Variants in CCNB3 observed in about 807,000 individuals in gnomAD.
CCNB3 encodes the protein cyclin B3.
CCNB3 carries 12 observed loss-of-function variants against 68.0 expected under a neutral mutation model. The ratio of observed to expected loss-of-function variants is 0.18; its 90% CI spans 0.11 to 0.29. The LOEUF (loss-of-function observed/expected upper bound fraction) is 0.29. Ranked by LOEUF, CCNB3 falls within the 10% of genes least tolerant of loss-of-function variation. The pLI, the probability that CCNB3 is intolerant of heterozygous loss-of-function variation, is 1.00. For synonymous variants in CCNB3, 354 were observed against 388.9 expected (o/e 0.91, Z 1.06); for missense variants, 904 against 993.1 (o/e 0.91, Z 1.21).
intron 8 of CCNB3, among the ~76,000 whole-genome samples, chrX:50,326,096 TA>T (rs1922283441): frequency 8.9e-6 from 1 of 111,889 alleles, no homozygotes; most frequent in South Asian, 3.7e-4. Flanking sequence ...AGTATAGATC[TA>T]TGACATTCTT....
At chrX:50,228,542 A>G (rs1302488507) in intron 1 of CCNB3, among the ~76,000 whole-genome samples, 1 of 88,814 alleles carries the variant, frequency 1.1e-5, no homozygotes, top group Admixed American at 1.5e-4. Flanking sequence ...TAGAATATAT[A>G]TAGAAGATAT....
intron 8 of CCNB3, among the ~76,000 whole-genome samples, chrX:50,340,572 T>C (rs1425595587): frequency 8.9e-6 from 1 of 112,679 alleles, no homozygotes; most frequent in Non-Finnish European, 1.9e-5. Context: ...GCTCACACTT[T>C]GTTTGCCAAG....
intron 1 of CCNB3, among the ~76,000 whole-genome samples, chrX:50,221,238 C>T (rs1035008354): frequency 1.3e-4 from 14 of 110,943 alleles, no homozygotes; most frequent in Non-Finnish European, 2.1e-4. Flanking sequence ...CTGTATTCTT[C>T]GATTTTTTGA....
intron 11 of CCNB3, among the ~76,000 whole-genome samples, chrX:50,348,409 G>A (rs1557220693): frequency 8.9e-6 from 1 of 111,975 alleles, no homozygotes. Flanking sequence ...AGTAGCAGGA[G>A]TATGCTTGCA....
chrX:50,338,471 G>A (rs966797964), intron 8 of CCNB3, among the ~76,000 whole-genome samples: 4 of 111,951 alleles, frequency 3.6e-5, no homozygotes, highest in Non-Finnish European at 5.6e-5. Flanking sequence ...GTGACTGGGG[G>A]CTGCATGCAC....
chrX:50,340,227 C>A (rs1399804937), intron 8 of CCNB3, among the ~76,000 whole-genome samples: 1 of 111,726 alleles, frequency 9.0e-6, no homozygotes, highest in Non-Finnish European at 1.9e-5. Flanking sequence ...GTAACCTATA[C>A]AAGGGGAGGT....
chrX:50,325,161 C>A (rs1361592827), intron 8 of CCNB3, among the ~76,000 whole-genome samples: 1 of 111,026 alleles, frequency 9.0e-6, no homozygotes, highest in Non-Finnish European at 1.9e-5. Context: ...TTTATCAAAG[C>A]CTAAGAGCAG....
chrX:50,228,520 G>T (rs1479655534), intron 1 of CCNB3, among the ~76,000 whole-genome samples: 1 of 87,955 alleles, frequency 1.1e-5, no homozygotes, highest in South Asian at 5.2e-4. Context: ...ATGTATAGAG[G>T]TTATATCTAT....
At position 50,310,068 on chromosome X, in the gene CCNB3, G is replaced by A. The variant is rs782567077; in HGVS notation, c.1899G>A (p.Lys633=). 35 of 1,208,626 alleles carry A rather than the reference G, an allele frequency of 2.9e-5. No homozygotes were observed. In the Middle Eastern group the frequency reaches 6.9e-4, roughly 24 times the overall value. Residue 633 remains lysine (K), a synonymous_variant, in exon 6 of 13, where the codon AAG becomes AAA. Coordinates refer to ENST00000376042, the MANE Select transcript of CCNB3 (RefSeq NM_033031.3). ...AGATGAAATCTACAACGGAAGAAAA[G>A]TTCCTCTCCCAGGAACCATCTGCAT... The part of the protein sequence containing the change: ...PFKMKSTTEE[K]FLSQEPSALK...
chrX:50,283,285 G>T (rs1032260113), intron 1 of CCNB3, among the ~76,000 whole-genome samples: 2 of 110,883 alleles, frequency 1.8e-5, no homozygotes, highest in African/African-American at 6.6e-5. Context: ...GAATATTTTT[G>T]AGTGTGATCG....
intron 11 of CCNB3, among the ~76,000 whole-genome samples, chrX:50,349,841 C>T (rs1022898464): frequency 1.8e-5 from 2 of 111,739 alleles, no homozygotes; most frequent in African/African-American, 6.5e-5. Flanking sequence ...AGGTAAGACA[C>T]TTGAAAAAGA....
intron 8 of CCNB3, among the ~76,000 whole-genome samples, chrX:50,322,749 G>A (rs1922092480): frequency 9.0e-6 from 1 of 111,720 alleles, no homozygotes. Context: ...CCATCAAAAA[G>A]CGGGCAAAGG....
chrX:50,226,796 A>AAT (rs1200404337), intron 1 of CCNB3, among the ~76,000 whole-genome samples: 2 of 75,923 alleles, frequency 2.6e-5, no homozygotes, highest in Non-Finnish European at 4.7e-5. Flanking sequence ...ATGTACATAG[A>AAT]ATATATATAT....
intron 1 of CCNB3, among the ~76,000 whole-genome samples, chrX:50,280,215 G>T (rs1168790177): frequency 1.6e-5 from 1 of 63,459 alleles, no homozygotes; most frequent in Non-Finnish European, 3.0e-5. Context: ...TATATTTTTA[G>T]AATATATATA....
At chrX:50,326,867 G>C (rs782296891) in intron 8 of CCNB3, among the ~76,000 whole-genome samples, 1 of 111,932 alleles carries the variant, frequency 8.9e-6, no homozygotes, top group African/African-American at 3.2e-5. Flanking sequence ...TTCTCTGTTT[G>C]TATTTGTAGA....
intron 8 of CCNB3, among the ~76,000 whole-genome samples, chrX:50,326,618 C>G (rs1922308491): frequency 9.0e-6 from 1 of 110,733 alleles, no homozygotes; most frequent in Non-Finnish European, 1.9e-5. Flanking sequence ...CTGTTCACTG[C>G]CTCTGTTACA....
intron 1 of CCNB3, among the ~76,000 whole-genome samples, chrX:50,279,181 A>ATATATTCTCTATATATATGAATAT (rs1273366012): frequency 8.3e-3 from 3 of 360 alleles, no homozygotes; most frequent in African/African-American, 0.057. Context: ...ATATGAATAT[A>ATATATTCTCTATATATATGAATAT]ATATATTCTC....
At chrX:50,325,057 A>T (rs1161158567) in intron 8 of CCNB3, among the ~76,000 whole-genome samples, 1 of 111,412 alleles carries the variant, frequency 9.0e-6, no homozygotes. Context: ...TAAATGATTC[A>T]CTGAAGAACT....
intron 1 of CCNB3, among the ~76,000 whole-genome samples, chrX:50,281,007 C>T (rs1936126699): frequency 9.1e-6 from 1 of 110,306 alleles, no homozygotes; most frequent in Non-Finnish European, 1.9e-5. Context: ...GCGATCCGCC[C>T]CAACTCGCTC....
Sources: allele counts gnomAD v4.1 joint callset (sites outside exome capture counted in the v4.1 genomes callset), GRCh38; gene constraint gnomAD v4.1.1; transcripts MANE v1.5; gene names NCBI Gene and HGNC (gene_info 2026-07-23, HGNC 2026-07-21).